The following NR2C1 variants were observed in gnomAD, a reference collection of about 807,000 sequenced individuals.
NR2C1 encodes nuclear receptor subfamily 2 group C member 1, also known as TR2 nuclear hormone receptor.
Under a neutral mutation model 74.8 loss-of-function variants are expected in NR2C1, and 33 were observed. The ratio of observed to expected loss-of-function variants is 0.44; its 90% CI spans 0.33 to 0.59. The LOEUF (loss-of-function observed/expected upper bound fraction) is 0.59. Ranked by LOEUF, NR2C1 falls within the 20% of genes least tolerant of loss-of-function variation. The probability of loss-of-function intolerance (pLI) is 0.02; values close to 1 mark genes in which losing one functional copy is unlikely to be tolerated. For missense variants in NR2C1, 568 were observed against 715.6 expected (o/e 0.79, Z 2.35); for synonymous variants, 225 against 240.6 (o/e 0.94, Z 0.60).
At chr12:95,029,213 T>C (rs1392414849) in intron 11 of NR2C1, among the ~76,000 whole-genome samples, 1 of 151,650 alleles carries the variant, frequency 6.6e-6, no homozygotes, top group Non-Finnish European at 1.5e-5. Context: ...TCCTGAGTAG[T>C]TGGGACTACA....
chr12:95,063,822 G>A (rs1875178706), intron 2 of NR2C1, among the ~76,000 whole-genome samples: 1 of 152,038 alleles, frequency 6.6e-6, no homozygotes, highest in South Asian at 2.1e-4. Flanking sequence ...TTGAGGTCAG[G>A]AGTTCAAGCC....
Position 95,051,792 on chromosome 12 carries a change from T to C in NR2C1, c.935A>G (p.Gln312Arg), listed in dbSNP as rs749986632. The C allele has an allele frequency of 6.2e-7, 1 of 1,607,680 alleles. No individual in the cohort carries two copies. The highest frequency in any genetic ancestry group is 8.5e-7 in the Non-Finnish European group (1 of 1,178,594). The stretch of plus-strand genomic sequence containing the variant: ...AACATCACCGTTGGTCTGCATTTCT[T>C]GAAATTCACACAAAGAGGTATCATC... The part of the protein sequence containing the change: ...SNDDTSLCEF[Q>R]EMQTNGDVSR... The change falls in exon 8 of 14, where the codon CAA becomes CGA. Residue 312 changes from glutamine to arginine, a missense_variant. This residue lies in a region of NR2C1 where 239 missense variants were observed against 232.3 expected (regional missense o/e 1.03). Coordinates refer to ENST00000333003, the MANE Select transcript of NR2C1 (RefSeq NM_003297.4).
rs148740745 is a variant in NR2C1, at chr12:95,058,228, T to G, written c.544+82A>C. Reference sequence around the variant, plus strand: ...CTGTAAACTAAAAAGTATACATATTTGACATATTTTGTTAATTTCAATACT... The same window carrying G: ...CTGTAAACTAAAAAGTATACATATTGGACATATTTTGTTAATTTCAATACT... On this transcript the variant is annotated intron_variant, in intron 5 of 13. Transcript: ENST00000333003. 201 of 1,228,204 alleles carry G rather than the reference T, an allele frequency of 1.6e-4. 1 individual carries two copies. In the African/African-American group the frequency reaches 2.6e-3, roughly 16 times the overall value. The allele number at this position is 1,228,204 out of a possible 1,614,324, so 76.1% of individuals were successfully genotyped here. A position where few individuals can be genotyped will look rare whatever the true frequency, so the allele number is the denominator to read the frequency against.
intron 7 of NR2C1, among the ~76,000 whole-genome samples, chr12:95,056,725 AAGGCGGGTGGATCACGAGGTC>A (rs1873937192): frequency 6.6e-6 from 1 of 152,170 alleles, no homozygotes; most frequent in East Asian, 1.9e-4. Flanking sequence ...TTGGGAGGCC[AAGGCGGGTGGATCACGAGGTC>A]AGGCGATCGA....
intron 7 of NR2C1, among the ~76,000 whole-genome samples, chr12:95,055,608 A>G (rs1341261532): frequency 6.6e-6 from 1 of 152,234 alleles, no homozygotes; most frequent in African/African-American, 2.4e-5. Context: ...TCAAGTGACA[A>G]ATATATAACA....
In NR2C1 at chr12:95,021,952, T is replaced by C. The variant is rs1011372572; in HGVS notation, c.*277A>G. On this transcript the variant is annotated 3_prime_UTR_variant, in exon 14 of 14. Transcript: ENST00000333003. The stretch of plus-strand genomic sequence containing the variant: ...AAATAGAATGAGCGCTTAGTTTAGA[T>C]AATCAAGAGGTGACAGCTTCAGGTA... 1.2e-5 allele frequency: 3 copies of C among 241,008 alleles called. No homozygotes were observed. Among genetic ancestry groups the C allele is most frequent in the African/African-American group, 2.3e-5 (1 of 44,384 alleles). 14.9% of individuals were successfully genotyped at this position (241,008 alleles called of 1,614,324 possible).
In NR2C1 at chr12:95,043,689, C is replaced by CCAAAAAAAAAAAAA. The variant is rs575940640; in HGVS notation, c.1132-3093_1132-3092insTTTTTTTTTTTTTG. On this transcript the variant is annotated intron_variant, in intron 9 of 13. Coordinates refer to ENST00000333003, the MANE Select transcript of NR2C1 (RefSeq NM_003297.4). ...TGGGAGACAGAGCAAGACTCTGTCT[C>CCAAAAAAAAAAAAA]AAAAAAAAAAAAAATCCTTTGCAAA... is the stretch of plus-strand genomic sequence containing the variant. 3.3e-3 allele frequency among the ~76,000 whole-genome samples: 308 copies of CCAAAAAAAAAAAAA among 94,176 alleles called. 8 individuals carry two copies. The highest frequency in any genetic ancestry group is 0.012 in the African/African-American group (293 of 24,912). 61.8% of individuals were successfully genotyped at this position (94,176 alleles called of 152,430 possible). A position where few individuals can be genotyped will look rare whatever the true frequency, so the allele number is the denominator to read the frequency against.
Position 95,057,544 on chromosome 12 carries a change from T to C in NR2C1, c.783+9A>G, listed in dbSNP as rs1375967178. The stretch of plus-strand genomic sequence containing the variant: ...AAATTATCTAAGCTTTAAATTGTAC[T>C]AAACACACCTTATCTGATGTCATCA... On this transcript the variant is annotated intron_variant, in intron 7 of 13. Transcript: ENST00000333003. 6.3e-7 allele frequency: 1 copy of C among 1,585,504 alleles called. No individual in the cohort carries two copies. Among genetic ancestry groups the C allele is most frequent in the Non-Finnish European group, 8.6e-7 (1 of 1,162,922 alleles).
intron 7 of NR2C1, among the ~76,000 whole-genome samples, chr12:95,057,300 T>C (rs958379226): frequency 6.6e-6 from 1 of 151,732 alleles, no homozygotes; most frequent in African/African-American, 2.4e-5. Context: ...AGACGGGGTT[T>C]CTCCATGTTG....
rs1871347303 is a variant in NR2C1, at chr12:95,040,219, A to G, written c.1253+257T>C. On this transcript the variant is annotated intron_variant, in intron 10 of 13. Coordinates refer to ENST00000333003, the MANE Select transcript of NR2C1 (RefSeq NM_003297.4). ...GAGGCCTGTTACAAATGCTAGCCAT[A>G]GTCTTATCAATTCTACTGATCATAT... Among the ~76,000 whole-genome samples, 3 of 152,288 alleles carry G rather than the reference A, an allele frequency of 2.0e-5. No homozygotes were observed. In the South Asian group the frequency reaches 6.2e-4, roughly 32 times the overall value.
intron 13 of NR2C1, 87 bp from the exon 14 acceptor site, chr12:95,022,490 G>A (rs1413035530): frequency 1.4e-5 from 15 of 1,039,216 alleles, no homozygotes; most frequent in Non-Finnish European, 2.1e-5. Context: ...TTCTGCATGT[G>A]GCCTAATTTA....
In NR2C1 at chr12:95,022,140, T is replaced by C; in HGVS notation, c.*89A>G. 6 of 1,070,848 alleles carry C rather than the reference T, an allele frequency of 5.6e-6. 1 individual carries two copies. In the South Asian group the frequency reaches 1.4e-4, roughly 24 times the overall value. 66.3% of individuals were successfully genotyped at this position (1,070,848 alleles called of 1,614,324 possible). On this transcript the variant is annotated 3_prime_UTR_variant, in exon 14 of 14. Transcript: ENST00000333003. ...TCTGGTTACTTTTTAAAGTAAAAATTTCCAGATGCCTCAAAAGCAGTGAGT... is the reference window on the plus strand; with the variant it reads ...TCTGGTTACTTTTTAAAGTAAAAATCTCCAGATGCCTCAAAAGCAGTGAGT...
At chr12:95,025,783 T>C (rs908808271) in intron 12 of NR2C1, among the ~76,000 whole-genome samples, 1 of 151,090 alleles carries the variant, frequency 6.6e-6, no homozygotes, top group African/African-American at 2.4e-5. Flanking sequence ...CGTATACATA[T>C]GCTAACAACT....
chr12:95,049,328 A>G (rs1426737735), intron 8 of NR2C1, 95 bp from the exon 9 acceptor site: 3 of 1,323,360 alleles, frequency 2.3e-6, no homozygotes, highest in South Asian at 1.5e-5. Flanking sequence ...TAAGCCTAAA[A>G]AACTGGCCAG....
At chr12:95,069,447 A>G (rs942914298) in intron 1 of NR2C1, among the ~76,000 whole-genome samples, 1 of 152,198 alleles carries the variant, frequency 6.6e-6, no homozygotes, top group Admixed American at 6.5e-5. Context: ...CATAAATACT[A>G]CTGTGTTAAA....
At chr12:95,057,475 T>C in intron 7 of NR2C1, 78 bp downstream of exon 7, 1 of 1,046,646 alleles carries the variant, frequency 9.6e-7, no homozygotes, top group Admixed American at 2.6e-5. Flanking sequence ...CAAAGCAATT[T>C]ACCAAAGCAA....
At chr12:95,023,964 G>A (rs1422543303) in intron 13 of NR2C1, among the ~76,000 whole-genome samples, 1 of 152,120 alleles carries the variant, frequency 6.6e-6, no homozygotes, top group African/African-American at 2.4e-5. Context: ...TAACACCTCA[G>A]ACCAAATTAG....
At chr12:95,028,669 G>A (rs1869669397) in intron 11 of NR2C1, 145 bp from the exon 12 acceptor site, 1 of 619,906 alleles carries the variant, frequency 1.6e-6, no homozygotes, top group East Asian at 2.9e-5. Context: ...CTGTCGCCCA[G>A]GTGGCAGTGC....
chr12:95,052,208 TGCCGTGGCATGATCTCAGCTCACCGCA>T (rs1365544648), intron 7 of NR2C1, among the ~76,000 whole-genome samples: 1 of 151,422 alleles, frequency 6.6e-6, no homozygotes, highest in Non-Finnish European at 1.5e-5. Flanking sequence ...TAGGCTGGAG[TGCCGTGGCATGATCTCAGCTCACCGCA>T]ACCTCTGCCT....
Sources: gnomAD v4.1 joint callset for allele counts (sites outside exome capture counted in the v4.1 genomes callset) on GRCh38, gnomAD v4.1.1 for gene constraint, gnomAD v4.1.1 regional missense constraint, MANE v1.5 for transcripts, NCBI Gene and HGNC (gene_info 2026-07-23, HGNC 2026-07-21) for gene names.